The following SYNJ2 variants were observed in gnomAD, a reference collection of about 807,000 sequenced individuals.
SYNJ2 encodes synaptojanin 2.
Under a neutral mutation model 141.3 loss-of-function variants are expected in SYNJ2, and 116 were observed. That is an observed-to-expected ratio of 0.82 (90% CI 0.71 to 0.96). The LOEUF is 0.96. Ranked by LOEUF, SYNJ2 falls within the 40% of genes least tolerant of loss-of-function variation. The probability of loss-of-function intolerance (pLI) is 0.00; values close to 1 mark genes in which losing one functional copy is unlikely to be tolerated. For synonymous variants in SYNJ2, 745 were observed against 777.7 expected, an observed-to-expected ratio of 0.96 and a Z score of 0.70; for missense variants, 1,873 against 1,934.8, an observed-to-expected ratio of 0.97 and a Z score of 0.60.
intron 1 of SYNJ2, among the ~76,000 whole-genome samples, chr6:158,007,684 G>T (rs182384750): frequency 6.6e-6 from 1 of 151,882 alleles, no homozygotes; most frequent in African/African-American, 2.4e-5. Context: ...CTCTTGTCAC[G>T]CAGGCTGGAG....
At chr6:158,062,335 T>C in intron 8 of SYNJ2, 171 bp downstream of exon 8, 1 of 768,014 alleles carries the variant, frequency 1.3e-6, no homozygotes, top group Non-Finnish European at 1.6e-6. Context: ...TCAGTTACCC[T>C]TGTGGTTTCC....
chr6:158,089,553 C>T (rs150515214), intron 24 of SYNJ2, among the ~76,000 whole-genome samples: 2 of 151,816 alleles, frequency 1.3e-5, no homozygotes, highest in African/African-American at 4.8e-5. Flanking sequence ...TGCTTTCTGG[C>T]TTTCACCTGG....
Position 158,084,075 on chromosome 6 carries a change from G to A in SYNJ2, c.3109G>A (p.Gly1037Arg), listed in dbSNP as rs61743913. Residue 1037 changes from glycine to arginine, a missense_variant, in exon 22 of 27, where the codon GGG (glycine) becomes AGG (arginine). By Grantham distance (125) the Gly-to-Arg change is moderately radical (BLOSUM62 -2). Transcript: ENST00000355585. The surrounding 1 kb of genome is among the most constrained non-coding windows in gnomAD (Gnocchi z 5.0). ...GCCTGGAGTCTCGGACAGTGAACTC[G>A]GGGGAGACGACCTCTCTGATGTCCC... The part of the protein sequence containing the change: ...NQPGVSDSEL[G>R]GDDLSDVPGP... 2.0e-3 allele frequency: 3,220 copies of A among 1,613,758 alleles called. 65 individuals are homozygous for A. In the African/African-American group the frequency reaches 0.035, roughly 18 times the overall value.
At position 158,059,294 on chromosome 6, in the gene SYNJ2, G is replaced by A. The variant is rs1781058166; in HGVS notation, c.895G>A (p.Val299Met). Residue 299 changes from valine (V) to methionine (M), a missense_variant, in exon 7 of 27, where the codon GTG becomes ATG. Transcript: ENST00000355585. ...VLLKEQYGQQ[V>M]VVNLLGSRGG... Reference sequence around the variant, plus strand: ...TCTGAAGGAGCAGTACGGGCAGCAGGTGGTCGTGAACCTTCTGGGAAGCAG... The same window carrying A: ...TCTGAAGGAGCAGTACGGGCAGCAGATGGTCGTGAACCTTCTGGGAAGCAG... 2.8e-5 allele frequency: 44 copies of A among 1,550,614 alleles called. No individual in the cohort carries two copies. The highest frequency in any genetic ancestry group is 3.7e-5 in the Non-Finnish European group (42 of 1,146,932).
chr6:158,007,070 A>G (rs928697004), intron 1 of SYNJ2, among the ~76,000 whole-genome samples: 30 of 152,226 alleles, frequency 2.0e-4, no homozygotes, highest in African/African-American at 7.2e-4. Context: ...GGTTCAGATG[A>G]TCCTCTCACC....
chr6:158,009,603 C>T (rs1309118229), intron 1 of SYNJ2, among the ~76,000 whole-genome samples: 1 of 152,210 alleles, frequency 6.6e-6, no homozygotes, highest in African/African-American at 2.4e-5. Context: ...GAAGCAAAGA[C>T]ATTCTCGTGT....
chr6:158,090,542 G>GTTTTTTTTTTT (rs58356198), intron 25 of SYNJ2, among the ~76,000 whole-genome samples: 11 of 113,934 alleles, frequency 9.7e-5, no homozygotes, highest in African/African-American at 1.3e-4. Context: ...TTTTTTTTTT[G>GTTTTTTTTTTT]TTTTTTTTTT....
intron 1 of SYNJ2, among the ~76,000 whole-genome samples, chr6:157,989,607 CATG>C (rs947431791): frequency 1.3e-5 from 2 of 151,958 alleles, no homozygotes; most frequent in Non-Finnish European, 2.9e-5. Context: ...AAAGGCGAAA[CATG>C]ATCTCTGGGA....
rs998542164 is a variant in SYNJ2, at chr6:157,987,080, A to G, written c.127+4992A>G. Among the ~76,000 whole-genome samples, 7 of 152,266 alleles carry G rather than the reference A, an allele frequency of 4.6e-5. No individual in the cohort carries two copies. The South Asian group carries it at 8.3e-4, about 18-fold the overall frequency. ...TGGCTCACTGCAACCTCTTCCTCCC[A>G]GGTTCAAGTGATTCTCTGGCCTTAG... On this transcript the variant is annotated intron_variant, in intron 1 of 26. Coordinates refer to ENST00000355585, the MANE Select transcript of SYNJ2 (RefSeq NM_003898.4).
intron 17 of SYNJ2, among the ~76,000 whole-genome samples, chr6:158,077,474 G>A (rs1287185639): frequency 6.7e-6 from 1 of 149,910 alleles, no homozygotes; most frequent in Non-Finnish European, 1.5e-5. Flanking sequence ...AGCCTATTTT[G>A]TTCAGCTACA....
chr6:158,029,924 A>G (rs1214332389), intron 3 of SYNJ2, among the ~76,000 whole-genome samples: 2 of 152,194 alleles, frequency 1.3e-5, no homozygotes, highest in East Asian at 3.8e-4. Context: ...TAAGTGGCAG[A>G]GCCAGGATTT....
Position 158,074,733 on chromosome 6 carries a change from G to A in SYNJ2, c.2287G>A (p.Gly763Arg). ...TCAACTACAGCTACAGAAATCAAGTGGAAAAGTAAGTTGTGCTTTAAAAAC... is the reference window on the plus strand; with the variant it reads ...TCAACTACAGCTACAGAAATCAAGTAGAAAAGTAAGTTGTGCTTTAAAAAC... ...FDQLQLQKSS[G>R]KIFKDFHEGA... Residue 763 changes from glycine (G) to arginine (R), a missense_variant, in exon 16 of 27, where the codon GGA (glycine) becomes AGA (arginine). By Grantham distance (125) the Gly-to-Arg change is moderately radical (BLOSUM62 -2). Transcript: ENST00000355585. 6.2e-7 allele frequency: 1 copy of A among 1,611,726 alleles called. No homozygotes were observed. The highest frequency in any genetic ancestry group is 8.5e-7 in the Non-Finnish European group (1 of 1,179,546).
chr6:158,073,810 A>C (rs1446470494), intron 15 of SYNJ2, among the ~76,000 whole-genome samples: 2 of 151,798 alleles, frequency 1.3e-5, no homozygotes, highest in African/African-American at 2.4e-5. Context: ...AGAGAAGCTG[A>C]TTTTGGAGCT....
chr6:158,009,444 C>T (rs536880430), intron 1 of SYNJ2, among the ~76,000 whole-genome samples: 1 of 152,246 alleles, frequency 6.6e-6, no homozygotes, highest in South Asian at 2.1e-4. Context: ...TGTCTCTGTC[C>T]CTGGAAGGGT....
Position 158,059,323 on chromosome 6 carries a change from C to G in SYNJ2, c.924C>G (p.Gly308=). 6.4e-7 allele frequency: 1 copy of G among 1,550,758 alleles called. No individual in the cohort carries two copies. The change falls in exon 7 of 27, where the codon GGC becomes GGG. Residue 308 remains glycine (G), a synonymous_variant. Transcript: ENST00000355585. ...TCGTGAACCTTCTGGGAAGCAGAGG[C>G]GGAGAGGAGGTGCTCAACAGAGCCT... ...QVVVNLLGSR[G]GEEVLNRAFK... is the part of the protein sequence containing the mutation.
intron 1 of SYNJ2, among the ~76,000 whole-genome samples, chr6:157,990,279 G>A (rs773770175): frequency 3.3e-5 from 5 of 152,146 alleles, no homozygotes; most frequent in Admixed American, 6.5e-5. Context: ...TGGGGCTCTC[G>A]GGCACCTGGT....
intron 1 of SYNJ2, among the ~76,000 whole-genome samples, chr6:157,987,131 C>T (rs1314202775): frequency 1.3e-5 from 2 of 152,020 alleles, no homozygotes; most frequent in African/African-American, 2.4e-5. Context: ...GGACTATAGG[C>T]GTGTGCTACC....
chr6:158,035,795 T>C (rs1444675572), intron 4 of SYNJ2, among the ~76,000 whole-genome samples: 2 of 152,154 alleles, frequency 1.3e-5, no homozygotes, highest in Non-Finnish European at 2.9e-5. Context: ...TAAATGGCTC[T>C]TATTAGTTTG....
chr6:158,054,998 G>A lies in SYNJ2; in HGVS notation c.827G>A (p.Gly276Asp). The A allele has an allele frequency of 2.5e-6, 4 of 1,614,070 alleles. No individual in the cohort carries two copies. Among genetic ancestry groups the A allele is most frequent in the Non-Finnish European group, 3.4e-6 (4 of 1,180,026 alleles). The change falls in exon 6 of 27, where the codon GGC becomes GAC. Residue 276 changes from glycine to aspartate, a missense_variant. By Grantham distance (94) the Gly-to-Asp change is moderately conservative. Coordinates refer to ENST00000355585, the MANE Select transcript of SYNJ2 (RefSeq NM_003898.4). ...VGSHHLRLHR[G>D]LEANAPAFDR... ...TCCCATCATCTGAGACTCCACAGAG[G>A]CCTGGAAGCCAATGCCCCTGCTTTC...
Sources: allele counts gnomAD v4.1 joint callset (sites outside exome capture counted in the v4.1 genomes callset), GRCh38; gene constraint gnomAD v4.1.1; non-coding constraint Gnocchi (gnomAD v3.1); transcripts MANE v1.5; gene names NCBI Gene and HGNC (gene_info 2026-07-23, HGNC 2026-07-21).